FGF14: variants seen among roughly 807,000 people sequenced by gnomAD.
FGF14 encodes the protein fibroblast growth factor 14, also known as fibroblast growth factor homologous factor 4.
FGF14 carries 5 observed loss-of-function variants against 25.5 expected under a neutral mutation model. That is an observed-to-expected ratio of 0.20 (90% CI 0.10 to 0.41). The LOEUF (loss-of-function observed/expected upper bound fraction) is 0.41. Ranked by LOEUF, FGF14 falls within the 10% of genes least tolerant of loss-of-function variation. FGF14 has a pLI of 1.00. For synonymous variants in FGF14, 138 were observed against 118.3 expected (o/e 1.17, Z -1.08); for missense variants, 222 against 320.1 (o/e 0.69, Z 2.34).
intron 1 of FGF14, among the ~76,000 whole-genome samples, chr13:102,352,148 T>C (rs2057297334): frequency 6.6e-6 from 1 of 151,976 alleles, no homozygotes; most frequent in Admixed American, 6.6e-5. Context: ...AACATTATGG[T>C]GTATTACTGA....
intron 1 of FGF14, among the ~76,000 whole-genome samples, chr13:101,895,750 T>C (rs2030552790): frequency 6.6e-6 from 1 of 152,174 alleles, no homozygotes; most frequent in African/African-American, 2.4e-5. Context: ...GAGACAAAAA[T>C]GAAAGGAGAG....
intron 1 of FGF14, among the ~76,000 whole-genome samples, chr13:102,385,693 T>C (rs2058285617): frequency 6.6e-6 from 1 of 152,226 alleles, no homozygotes; most frequent in Non-Finnish European, 1.5e-5. Context: ...TTACTATTAA[T>C]ATCAATCCTT....
intron 1 of FGF14, among the ~76,000 whole-genome samples, chr13:102,279,100 A>T (rs1169601754): frequency 6.6e-6 from 1 of 152,204 alleles, no homozygotes; most frequent in Non-Finnish European, 1.5e-5. Flanking sequence ...CAAATTAAAA[A>T]TTTAAATTCC....
chr13:102,109,393 G>A (rs909740407), intron 1 of FGF14, among the ~76,000 whole-genome samples: 5 of 152,048 alleles, frequency 3.3e-5, no homozygotes, highest in African/African-American at 9.7e-5. Flanking sequence ...CTTGAAAATT[G>A]CCAAGAGAAT....
intron 3 of FGF14, among the ~76,000 whole-genome samples, chr13:101,861,106 A>G (rs1296369444): frequency 1.3e-5 from 2 of 152,272 alleles, no homozygotes; most frequent in African/African-American, 4.8e-5. Flanking sequence ...TGCTGATGTC[A>G]CTGACCCAGC....
chr13:101,829,887 C>A (rs748554964), intron 3 of FGF14, among the ~76,000 whole-genome samples: 4 of 152,036 alleles, frequency 2.6e-5, no homozygotes, highest in Admixed American at 6.6e-5. Flanking sequence ...TTTTCAGGTT[C>A]TGAAAATGAG....
chr13:101,856,761 G>A (rs1053106096), intron 3 of FGF14, among the ~76,000 whole-genome samples: 1 of 151,924 alleles, frequency 6.6e-6, no homozygotes, highest in African/African-American at 2.4e-5. Context: ...ATATCATCAT[G>A]TTACAATTTT....
intron 1 of FGF14, among the ~76,000 whole-genome samples, chr13:102,357,230 T>C (rs2057444288): frequency 6.6e-6 from 1 of 151,906 alleles, no homozygotes; most frequent in African/African-American, 2.4e-5. Flanking sequence ...ATGTACATTA[T>C]ACATCTTACG....
intron 1 of FGF14, among the ~76,000 whole-genome samples, chr13:102,380,669 A>G (rs2058162678): frequency 6.6e-6 from 1 of 152,216 alleles, no homozygotes; most frequent in Non-Finnish European, 1.5e-5. Context: ...AGAGACATTT[A>G]ATAAAGAAAC....
At chr13:101,892,476 G>A (rs1266379110) in intron 1 of FGF14, among the ~76,000 whole-genome samples, 1 of 152,154 alleles carries the variant, frequency 6.6e-6, no homozygotes, top group Non-Finnish European at 1.5e-5. Flanking sequence ...CCTGGGCCTT[G>A]TAATTACATG....
intron 1 of FGF14, among the ~76,000 whole-genome samples, chr13:101,976,659 G>T (rs1397093578): frequency 1.3e-5 from 2 of 152,106 alleles, no homozygotes; most frequent in Non-Finnish European, 2.9e-5. Context: ...AATCAGATTG[G>T]ACACTGTGCC....
intron 1 of FGF14, among the ~76,000 whole-genome samples, chr13:102,102,773 T>C (rs1166385736): frequency 1.3e-5 from 2 of 152,194 alleles, no homozygotes; most frequent in African/African-American, 2.4e-5. Flanking sequence ...TGATTCCATT[T>C]TGCAGATAGG....
intron 1 of FGF14, among the ~76,000 whole-genome samples, chr13:102,160,884 T>G (rs2047592079): frequency 6.6e-6 from 1 of 152,196 alleles, no homozygotes; most frequent in African/African-American, 2.4e-5. Flanking sequence ...CCATTCAGTT[T>G]CAGCTCAAAA....
At chr13:102,311,118 G>A (rs2055743332) in intron 1 of FGF14, among the ~76,000 whole-genome samples, 2 of 152,170 alleles carry the variant, frequency 1.3e-5, no homozygotes, top group Admixed American at 1.3e-4. Flanking sequence ...CCCTCATTCA[G>A]TGTTCTTCCA....
intron 1 of FGF14, among the ~76,000 whole-genome samples, chr13:102,202,122 C>A (rs1210881834): frequency 6.6e-6 from 1 of 152,174 alleles, no homozygotes; most frequent in African/African-American, 2.4e-5. Context: ...TGTAAGTTCC[C>A]TGAGGCCTCC....
intron 1 of FGF14, among the ~76,000 whole-genome samples, chr13:102,078,530 C>T (rs1045628145): frequency 2.0e-5 from 3 of 152,116 alleles, no homozygotes; most frequent in African/African-American, 4.8e-5. Flanking sequence ...CAATCTGTAT[C>T]GTAATGCAGG....
chr13:102,394,627 A>T (rs1297106761), intron 1 of FGF14: 1 of 152,298 alleles, frequency 6.6e-6, no homozygotes, highest in Admixed American at 6.5e-5. Context: ...CTTCCGCCGC[A>T]TTGCGTAGCG....
intron 1 of FGF14, among the ~76,000 whole-genome samples, chr13:101,888,424 A>C (rs1344441888): frequency 6.6e-6 from 1 of 152,196 alleles, no homozygotes; most frequent in Non-Finnish European, 1.5e-5. Flanking sequence ...GTGCATATAC[A>C]TACACATAAA....
intron 1 of FGF14, among the ~76,000 whole-genome samples, chr13:102,170,294 A>G (rs2048194471): frequency 6.6e-6 from 1 of 151,994 alleles, no homozygotes. Flanking sequence ...CAAAAATCCT[A>G]TTATAGGAAA....
Sources: allele counts gnomAD v4.1 joint callset (sites outside exome capture counted in the v4.1 genomes callset), GRCh38; gene constraint gnomAD v4.1.1; transcripts MANE v1.5; gene names NCBI Gene and HGNC (gene_info 2026-07-23, HGNC 2026-07-21).